NRXN1: variants seen among roughly 807,000 people sequenced by gnomAD.
NRXN1 encodes neurexin-1.
In NRXN1, 39 loss-of-function variants were observed where a neutral mutation model predicts 150.9. That is an observed-to-expected ratio of 0.26 (90% CI 0.20 to 0.34). NRXN1 has a LOEUF of 0.34. Among genes scored for constraint, NRXN1 ranks in the 10% least tolerant of loss-of-function variants. NRXN1 has a pLI of 1.00. For synonymous variants in NRXN1, 924 were observed against 757.0 expected (o/e 1.22, Z -3.62); for missense variants, 1,815 against 1,949.9 (o/e 0.93, Z 1.30).
intron 17 of NRXN1, among the ~76,000 whole-genome samples, chr2:50,291,458 G>T (rs753380284): frequency 1.3e-5 from 2 of 152,090 alleles, no homozygotes; most frequent in Non-Finnish European, 1.5e-5. Context: ...TTGCCAGGCT[G>T]AGAAATCAAG....
intron 18 of NRXN1, among the ~76,000 whole-genome samples, chr2:50,098,870 T>TTTTTTG (rs1700634781): frequency 1.6e-5 from 1 of 63,044 alleles, no homozygotes; most frequent in African/African-American, 6.4e-5. Flanking sequence ...TTTTTTTTTT[T>TTTTTTG]TTTTTTTTTT....
At chr2:50,890,027 C>CT (rs147880989) in intron 5 of NRXN1, among the ~76,000 whole-genome samples, 12,745 of 151,658 alleles carry the variant, frequency 0.084, 661 homozygotes, top group South Asian at 0.12. Flanking sequence ...TTCCTACTTT[C>CT]TATGTGCTCA....
In NRXN1 at chr2:49,920,736, G is replaced by C. The variant is rs1013672596; in HGVS notation, c.*1208C>G. The stretch of plus-strand genomic sequence containing the variant: ...TGTGTGTGTGTGTGTGTGTGTGTGT[G>C]TGTGTGTGAAAATAGTGAATGTATG... On this transcript the variant is annotated 3_prime_UTR_variant, in exon 23 of 23. Coordinates refer to ENST00000401669, the MANE Select transcript of NRXN1 (RefSeq NM_001330078.2). 8.3e-6 allele frequency: 1 copy of C among 120,668 alleles called. No homozygotes were observed. Among genetic ancestry groups the C allele is most frequent in the East Asian group, 2.3e-4 (1 of 4,412 alleles). The allele number at this position is 120,668 out of a possible 1,614,324, so 7.5% of individuals were successfully genotyped here.
At chr2:50,945,819 CACG>C (rs1690261514) in intron 2 of NRXN1, among the ~76,000 whole-genome samples, 1 of 149,964 alleles carries the variant, frequency 6.7e-6, no homozygotes, top group African/African-American at 2.4e-5. Context: ...CTGAATTTAC[CACG>C]ACTTTATCGT....
intron 18 of NRXN1, among the ~76,000 whole-genome samples, chr2:50,214,650 A>AC (rs1330033665): frequency 6.6e-6 from 1 of 151,942 alleles, no homozygotes; most frequent in East Asian, 1.9e-4. Flanking sequence ...AGAGAGCTTG[A>AC]CTTCTGATTT....
Position 50,907,457 on chromosome 2 carries a change from C to T in NRXN1, c.832+14412G>A, listed in dbSNP as rs149337853. Among the ~76,000 whole-genome samples the T allele has an allele frequency of 4.0e-3, 610 of 152,066 alleles. 4 individuals carry two copies. Among genetic ancestry groups the T allele is most frequent in the African/African-American group, 0.013 (536 of 41,502 alleles). On this transcript the variant is annotated intron_variant, in intron 5 of 22. Transcript: ENST00000401669. Reference sequence around the variant, plus strand: ...ACAGCAGTGTTGGCTGTGACCTTTACGAAGGGTGAGAAAAAGATGCCCTTA... The same window carrying T: ...ACAGCAGTGTTGGCTGTGACCTTTATGAAGGGTGAGAAAAAGATGCCCTTA...
At chr2:50,718,274 A>C (rs532471437) in intron 5 of NRXN1, among the ~76,000 whole-genome samples, 1 of 152,272 alleles carries the variant, frequency 6.6e-6, no homozygotes, top group African/African-American at 2.4e-5. Context: ...CTTGGGCATA[A>C]GTGCATGAGT....
chr2:50,815,054 A>G (rs1306344617), intron 5 of NRXN1, among the ~76,000 whole-genome samples: 1 of 152,172 alleles, frequency 6.6e-6, no homozygotes, highest in Non-Finnish European at 1.5e-5. Context: ...CAATCAGATG[A>G]ACTGACATAC....
chr2:50,730,672 C>CTTTTTTTT (rs56042523), intron 5 of NRXN1, among the ~76,000 whole-genome samples: 25 of 122,016 alleles, frequency 2.0e-4, no homozygotes, highest in Non-Finnish European at 2.9e-4. Flanking sequence ...TTCTTGTTTT[C>CTTTTTTTT]TTTTTTTTTT....
chr2:49,993,307 T>C (rs1682339949), intron 21 of NRXN1, among the ~76,000 whole-genome samples: 2 of 152,062 alleles, frequency 1.3e-5, no homozygotes, highest in Non-Finnish European at 2.9e-5. Context: ...GAAGCCAATA[T>C]AAAAAGGCAA....
chr2:50,710,063 A>G (rs1694960717), intron 5 of NRXN1, among the ~76,000 whole-genome samples: 1 of 152,192 alleles, frequency 6.6e-6, no homozygotes, highest in African/African-American at 2.4e-5. Flanking sequence ...CAATGAATAA[A>G]CAAGATTTTC....
In NRXN1 at chr2:50,128,405, C is replaced by A. The variant is rs557033559; in HGVS notation, c.3547-36911G>T. The stretch of plus-strand genomic sequence containing the variant: ...CCTTATGCATTTTAAAGTATTCGAA[C>A]TAAAATAATATCATCAGGAAACATG... On this transcript the variant is annotated intron_variant, in intron 18 of 22. Coordinates refer to ENST00000401669, the MANE Select transcript of NRXN1 (RefSeq NM_001330078.2). Among the ~76,000 whole-genome samples, 3 of 152,206 alleles carry A rather than the reference C, an allele frequency of 2.0e-5. 1 individual carries two copies. In the South Asian group the frequency reaches 6.2e-4, roughly 32 times the overall value.
At chr2:50,453,411 T>C (rs2087196242) in intron 17 of NRXN1, among the ~76,000 whole-genome samples, 1 of 152,192 alleles carries the variant, frequency 6.6e-6, no homozygotes, top group African/African-American at 2.4e-5. Flanking sequence ...CTAATTACCT[T>C]CTTTTTGATT....
chr2:50,458,726 T>G (rs1009242221), intron 17 of NRXN1, among the ~76,000 whole-genome samples: 4 of 151,982 alleles, frequency 2.6e-5, no homozygotes, highest in African/African-American at 9.7e-5. Context: ...ATTACAGGCA[T>G]GTACCACCAG....
At chr2:50,887,808 C>T (rs1029289637) in intron 5 of NRXN1, among the ~76,000 whole-genome samples, 1 of 151,398 alleles carries the variant, frequency 6.6e-6, no homozygotes, top group Non-Finnish European at 1.5e-5. Context: ...GCAACAGATT[C>T]AAGGTGCTCT....
At chr2:50,226,235 G>C (rs1028594703) in intron 18 of NRXN1, among the ~76,000 whole-genome samples, 4 of 151,892 alleles carry the variant, frequency 2.6e-5, no homozygotes, top group African/African-American at 9.7e-5. Flanking sequence ...TGTAAACTTA[G>C]AACAGTTATG....
intron 21 of NRXN1, among the ~76,000 whole-genome samples, chr2:49,987,779 G>C (rs1282811992): frequency 1.3e-5 from 2 of 149,836 alleles, no homozygotes; most frequent in Non-Finnish European, 3.0e-5. Flanking sequence ...TTTTGACTCA[G>C]CTGTGACTTT....
At chr2:49,952,600 A>G (rs1450457940) in intron 21 of NRXN1, among the ~76,000 whole-genome samples, 3 of 152,112 alleles carry the variant, frequency 2.0e-5, no homozygotes, top group Non-Finnish European at 4.4e-5. Context: ...ACCTAAATGC[A>G]TAACTAATTT....
rs113793528 is a variant in NRXN1, at chr2:50,805,222, TA to T, written c.832+116646del. 6.0e-4 allele frequency among the ~76,000 whole-genome samples: 89 copies of T among 148,206 alleles called. 1 individual carries two copies. Among genetic ancestry groups the T allele is most frequent in the East Asian group, 3.1e-3 (16 of 5,090 alleles). On this transcript the variant is annotated intron_variant, in intron 5 of 22. Coordinates refer to ENST00000401669, the MANE Select transcript of NRXN1 (RefSeq NM_001330078.2). ...AATTGCACAAATTACCATGAAAAAG[TA>T]AAAAAAAAAGTATTGGGATTTTGTT...
Sources: gnomAD v4.1 joint callset for allele counts (sites outside exome capture counted in the v4.1 genomes callset) on GRCh38, gnomAD v4.1.1 for gene constraint, MANE v1.5 for transcripts, NCBI Gene and HGNC (gene_info 2026-07-23, HGNC 2026-07-21) for gene names.